CCDC125: variants seen among roughly 807,000 people sequenced by gnomAD.
CCDC125 encodes coiled-coil domain containing 125.
Under a neutral mutation model 57.4 loss-of-function variants are expected in CCDC125, and 43 were observed. The observed-to-expected ratio is 0.75, with a 90% CI of 0.59 to 0.97. CCDC125 has a LOEUF of 0.97. Among genes scored for constraint, CCDC125 ranks in the 50% least tolerant of loss-of-function variants. CCDC125 has a pLI of 0.00. For synonymous variants in CCDC125, 187 were observed against 195.2 expected (o/e 0.96, Z 0.35); for missense variants, 563 against 595.7 (o/e 0.95, Z 0.57).
Position 69,303,915 on chromosome 5 carries a change from T to A in CCDC125, c.632A>T (p.Asn211Ile). The change falls in exon 7 of 12, where the codon AAT (asparagine) becomes ATT (isoleucine). Residue 211 changes from asparagine to isoleucine, a missense_variant. Physicochemically the swap from Asn to Ile is moderately radical, Grantham distance 149. Transcript: ENST00000396496. ...IQKYDRLNCE[N>I]AVLKENLKVK... ...TTTCAAATTCTCTTTGAGGACTGCA[T>A]TTTCACAGTTTAGCCTGGAAAAAAG... is the stretch of plus-strand genomic sequence containing the variant. 1 of 1,603,676 alleles carries A rather than the reference T, an allele frequency of 6.2e-7. No homozygotes were observed. Among genetic ancestry groups the A allele is most frequent in the Non-Finnish European group, 8.5e-7 (1 of 1,175,388 alleles).
chr5:69,287,206 CTG>C (rs1443655932), intron 10 of CCDC125, among the ~76,000 whole-genome samples: 1 of 151,508 alleles, frequency 6.6e-6, no homozygotes, highest in Non-Finnish European at 1.5e-5. Flanking sequence ...CACTGAGAAA[CTG>C]AGAAAGAACT....
chr5:69,317,498 T>C (rs1759313060), intron 2 of CCDC125, among the ~76,000 whole-genome samples: 1 of 152,198 alleles, frequency 6.6e-6, no homozygotes, highest in Admixed American at 6.5e-5. Flanking sequence ...CCACGTATTT[T>C]TGTAAATCTG....
chr5:69,327,868 G>A (rs1052527685), intron 1 of CCDC125, among the ~76,000 whole-genome samples: 1 of 152,166 alleles, frequency 6.6e-6, no homozygotes, highest in African/African-American at 2.4e-5. Flanking sequence ...TTTCCAAAGT[G>A]TGCTCCATGG....
chr5:69,294,049 G>C (rs1754930452), intron 9 of CCDC125: 1 of 617,580 alleles, frequency 1.6e-6, no homozygotes, highest in South Asian at 7.2e-5. Flanking sequence ...GTAAATGGTG[G>C]AGCAAAGATG....
intron 1 of CCDC125, among the ~76,000 whole-genome samples, chr5:69,329,565 G>A (rs757398298): frequency 3.4e-5 from 5 of 146,416 alleles, no homozygotes; most frequent in East Asian, 2.0e-4. Flanking sequence ...GTGCAATGGC[G>A]TGATCACGGC....
rs759902518 is a variant in CCDC125 at position 69,300,133 on chromosome 5, A to G, written c.701-6T>C. On this transcript the variant is annotated splice_polypyrimidine_tract_variant and splice_region_variant and intron_variant, in intron 7 of 11. Transcript: ENST00000396496. ...CAAATACCGTTGATTCAAAACTAGG[A>G]AGGGCCATATGAGAAAGTATTCATT... 1.2e-6 allele frequency: 2 copies of G among 1,601,560 alleles called. No homozygotes were observed. Among genetic ancestry groups the G allele is most frequent in the South Asian group, 2.2e-5 (2 of 90,802 alleles).
At position 69,282,842 on chromosome 5, in the gene CCDC125, C is replaced by T. The variant is rs775829106; in HGVS notation, c.1423G>A (p.Val475Ile). The change falls in exon 12 of 12, where the codon GTC becomes ATC. Residue 475 changes from valine to isoleucine, a missense_variant. By Grantham distance (29) the Val-to-Ile change is conservative. Coordinates refer to ENST00000396496, the MANE Select transcript of CCDC125 (RefSeq NM_176816.5). ...SVLGDPIHSS[V>I]CILNSVGCIC... ...CAGCCCACAGAATTTAAAATGCAGA[C>T]ACTTGAATGTATAGGATCACCCAAA... 1.2e-6 allele frequency: 2 copies of T among 1,614,058 alleles called. No individual in the cohort carries two copies. Among genetic ancestry groups the T allele is most frequent in the Non-Finnish European group, 1.7e-6 (2 of 1,179,956 alleles).
intron 1 of CCDC125, among the ~76,000 whole-genome samples, chr5:69,326,743 C>G (rs955520252): frequency 1.3e-5 from 2 of 152,032 alleles, no homozygotes; most frequent in Non-Finnish European, 2.9e-5. Flanking sequence ...TTTATCCCTG[C>G]CTACTGTTTC....
chr5:69,292,176 A>C lies in CCDC125; in HGVS notation c.1099+12T>G. The C allele has an allele frequency of 6.3e-7, 1 of 1,599,120 alleles. No individual in the cohort carries two copies. Among genetic ancestry groups the C allele is most frequent in the Non-Finnish European group, 8.5e-7 (1 of 1,172,348 alleles). On this transcript the variant is annotated intron_variant, in intron 10 of 11. Coordinates refer to ENST00000396496, the MANE Select transcript of CCDC125 (RefSeq NM_176816.5). ...ATTACACCCACTTATTGCCATTATA[A>C]TTCATAGTTACCATCCTCTTTAAGG...
At position 69,281,475 on chromosome 5, in the gene CCDC125, A is replaced by G. The variant is rs1460093739; in HGVS notation, c.*1254T>C. On this transcript the variant is annotated 3_prime_UTR_variant, in exon 12 of 12. Coordinates refer to ENST00000396496, the MANE Select transcript of CCDC125 (RefSeq NM_176816.5). Reference sequence around the variant, plus strand: ...AACCATCTCACAGGATGCAATGAAAAGAGCTGTTAAGCACTTTGTAGACTT... The same window carrying G: ...AACCATCTCACAGGATGCAATGAAAGGAGCTGTTAAGCACTTTGTAGACTT... The G allele has an allele frequency of 2.0e-5, 3 of 152,204 alleles. No homozygotes were observed. 9.4% of individuals were successfully genotyped at this position (152,204 alleles called of 1,614,324 possible).
chr5:69,294,121 A>C, intron 9 of CCDC125: 1 of 983,212 alleles, frequency 1.0e-6, no homozygotes, highest in Non-Finnish European at 1.2e-6. Context: ...GTTCAAATAC[A>C]TTCCATGCTT....
At chr5:69,286,630 C>T (rs914275492) in intron 10 of CCDC125, among the ~76,000 whole-genome samples, 5 of 152,058 alleles carry the variant, frequency 3.3e-5, no homozygotes, top group African/African-American at 7.2e-5. Context: ...TAATATTTCA[C>T]GTGCTGACAT....
chr5:69,313,947 G>T, intron 3 of CCDC125, 38 bp downstream of exon 3: 1 of 1,470,354 alleles, frequency 6.8e-7, no homozygotes. Context: ...CTGGGACCCA[G>T]CTAAACTGAT....
chr5:69,307,707 T>C, intron 5 of CCDC125: 1 of 444,148 alleles, frequency 2.3e-6, no homozygotes, highest in Non-Finnish European at 4.0e-6. Flanking sequence ...GAAGAAGAAA[T>C]GAGAAGTACC....
intron 1 of CCDC125, among the ~76,000 whole-genome samples, chr5:69,321,877 C>T (rs1382597235): frequency 3.9e-5 from 6 of 152,134 alleles, no homozygotes; most frequent in Admixed American, 3.3e-4. Context: ...GCTCTTGTTG[C>T]CCAGGCTAGA....
chr5:69,282,211 AC>A lies in CCDC125; in HGVS notation c.*517del. Reference sequence around the variant, plus strand: ...CCAGCCTGTAATGTAATTTATAAATACAGTAATGTAATTTATAAATAAAATG... The same window carrying A: ...CCAGCCTGTAATGTAATTTATAAATAAGTAATGTAATTTATAAATAAAATG... On this transcript the variant is annotated 3_prime_UTR_variant, in exon 12 of 12. Transcript: ENST00000396496. 1 of 152,328 alleles carries A rather than the reference AC, an allele frequency of 6.6e-6. No individual in the cohort carries two copies. 9.4% of individuals were successfully genotyped at this position (152,328 alleles called of 1,614,324 possible).
downstream of CCDC125, among the ~76,000 whole-genome samples, chr5:69,276,311 G>A (rs1752132995): frequency 6.6e-6 from 1 of 152,188 alleles, no homozygotes; most frequent in Non-Finnish European, 1.5e-5. Flanking sequence ...TTACAGGCAT[G>A]AGCTACTGTG....
chr5:69,318,008 A>T (rs1759402371), intron 2 of CCDC125, among the ~76,000 whole-genome samples: 1 of 105,366 alleles, frequency 9.5e-6, no homozygotes. Flanking sequence ...TTTGAGACTG[A>T]GTCTTGCTCT....
chr5:69,280,198 A>G lies in CCDC125; in HGVS notation c.*2531T>C, dbSNP rs1389513250. Reference sequence around the variant, plus strand: ...TTCTCATGACCATACAGCCAACACAATAAACCTCAGCATTCACATTGTAAT... The same window carrying G: ...TTCTCATGACCATACAGCCAACACAGTAAACCTCAGCATTCACATTGTAAT... On this transcript the variant is annotated 3_prime_UTR_variant, in exon 12 of 12. Coordinates refer to ENST00000396496, the MANE Select transcript of CCDC125 (RefSeq NM_176816.5). The G allele has an allele frequency of 1.3e-5, 2 of 152,226 alleles. No individual in the cohort carries two copies. The highest frequency in any genetic ancestry group is 1.3e-4 in the Admixed American group (2 of 15,280). 9.4% of individuals were successfully genotyped at this position (152,226 alleles called of 1,614,324 possible). A position where few individuals can be genotyped will look rare whatever the true frequency, so the allele number is the denominator to read the frequency against.
Sources: allele counts gnomAD v4.1 joint callset (sites outside exome capture counted in the v4.1 genomes callset), GRCh38; gene constraint gnomAD v4.1.1; transcripts MANE v1.5; gene names NCBI Gene and HGNC (gene_info 2026-07-23, HGNC 2026-07-21).